Variants in CSMD1 observed in about 807,000 individuals in gnomAD.
CSMD1 encodes CUB and sushi domain-containing protein 1.
Under a neutral mutation model 417.5 loss-of-function variants are expected in CSMD1, and 213 were observed. That is an observed-to-expected ratio of 0.51 (90% CI 0.46 to 0.57). The LOEUF is 0.57. CSMD1 is among the 20% of genes least tolerant of loss of function. The pLI is 0.00. For missense variants in CSMD1, 6,923 were observed against 4,529.7 expected (o/e 1.53, Z -15.17); for synonymous variants, 2,862 against 1,736.8 (o/e 1.65, Z -16.11).
intron 3 of CSMD1, among the ~76,000 whole-genome samples, chr8:4,344,127 A>G (rs970253861): frequency 1.3e-5 from 2 of 152,086 alleles, no homozygotes; most frequent in Admixed American, 6.6e-5. Context: ...TCAAAAACAC[A>G]CTGATCATTA....
At chr8:2,987,668 C>T (rs953147378) in intron 54 of CSMD1, among the ~76,000 whole-genome samples, 1 of 152,112 alleles carries the variant, frequency 6.6e-6, no homozygotes, top group Non-Finnish European at 1.5e-5. Flanking sequence ...GGATGAATGC[C>T]CCCATAAGAG....
At chr8:4,928,392 A>G (rs1807017649) in intron 1 of CSMD1, among the ~76,000 whole-genome samples, 1 of 152,158 alleles carries the variant, frequency 6.6e-6, no homozygotes, top group Admixed American at 6.5e-5. Context: ...ACTATGCAAG[A>G]GCTGGGGCTT....
chr8:4,176,952 G>A (rs899786990), intron 3 of CSMD1, among the ~76,000 whole-genome samples: 2 of 151,006 alleles, frequency 1.3e-5, no homozygotes. Context: ...GACCTACAAA[G>A]AGACTTAGAC....
At chr8:4,399,221 G>C (rs1038707127) in intron 3 of CSMD1, among the ~76,000 whole-genome samples, 1 of 152,126 alleles carries the variant, frequency 6.6e-6, no homozygotes, top group Admixed American at 6.5e-5. Flanking sequence ...TTAAATATAT[G>C]ACAAACCGTA....
At chr8:3,812,593 G>T (rs371061220) in intron 5 of CSMD1, among the ~76,000 whole-genome samples, 1 of 152,198 alleles carries the variant, frequency 6.6e-6, no homozygotes, top group East Asian at 1.9e-4. Context: ...AAATACTTAC[G>T]CTATAAAGGG....
intron 3 of CSMD1, among the ~76,000 whole-genome samples, chr8:4,270,750 C>G (rs1373328684): frequency 6.6e-6 from 1 of 152,168 alleles, no homozygotes; most frequent in Non-Finnish European, 1.5e-5. Context: ...GAGGACAGTG[C>G]TACTCATCAC....
intron 26 of CSMD1, among the ~76,000 whole-genome samples, chr8:3,243,874 T>G (rs1799708810): frequency 6.6e-6 from 1 of 152,088 alleles, no homozygotes; most frequent in African/African-American, 2.4e-5. Context: ...AAAACAAAGT[T>G]GGGGCCACAG....
intron 3 of CSMD1, among the ~76,000 whole-genome samples, chr8:4,302,327 A>T (rs1295883212): frequency 2.7e-5 from 4 of 150,622 alleles, no homozygotes; most frequent in Admixed American, 1.3e-4. Context: ...TAACTGTAAA[A>T]ATAATAACAA....
rs2128949811 is a variant in CSMD1 at position 2,993,483 on chromosome 8, C to A, written c.8377+4528G>T. Among the ~76,000 whole-genome samples, 3 of 152,282 alleles carry A rather than the reference C, an allele frequency of 2.0e-5. No individual in the cohort carries two copies. The East Asian group carries it at 5.8e-4, about 29-fold the overall frequency. ...GCACTGAGGCAGAGGCAAAGCACAGCCCAACTCTCAGCGTCTCCCAGATGC... is the reference window on the plus strand; with the variant it reads ...GCACTGAGGCAGAGGCAAAGCACAGACCAACTCTCAGCGTCTCCCAGATGC... On this transcript the variant is annotated intron_variant, in intron 54 of 69. Coordinates refer to ENST00000635120, the MANE Select transcript of CSMD1 (RefSeq NM_033225.6).
chr8:3,571,865 C>A (rs1314128540), intron 10 of CSMD1, among the ~76,000 whole-genome samples: 5 of 152,140 alleles, frequency 3.3e-5, no homozygotes, highest in South Asian at 2.1e-4. Context: ...TCTCACGTCT[C>A]CTTCTGGAAA....
chr8:3,387,730 T>C, intron 17 of CSMD1, 48 bp from the exon 18 acceptor site: 1 of 1,486,500 alleles, frequency 6.7e-7, no homozygotes, highest in Non-Finnish European at 9.1e-7. Context: ...TCTGGTTGAT[T>C]GAAAATAATA....
intron 5 of CSMD1, among the ~76,000 whole-genome samples, chr8:3,926,686 C>T (rs897202331): frequency 6.8e-6 from 1 of 146,756 alleles, no homozygotes; most frequent in East Asian, 2.0e-4. Flanking sequence ...CATTTGAAAA[C>T]GCAATTAAAT....
intron 5 of CSMD1, among the ~76,000 whole-genome samples, chr8:3,925,009 G>C (rs1236893237): frequency 2.6e-5 from 4 of 152,112 alleles, no homozygotes; most frequent in African/African-American, 4.8e-5. Context: ...ACTGGTAAGA[G>C]AAAGACTTTA....
At chr8:4,008,776 A>G (rs553082566) in intron 4 of CSMD1, among the ~76,000 whole-genome samples, 6 of 151,604 alleles carry the variant, frequency 4.0e-5, no homozygotes, top group African/African-American at 1.5e-4. Context: ...ACGCCTGGCT[A>G]ATTTTTTGTG....
At chr8:4,729,009 G>A (rs983249132) in intron 1 of CSMD1, among the ~76,000 whole-genome samples, 2 of 152,156 alleles carry the variant, frequency 1.3e-5, no homozygotes, top group East Asian at 1.9e-4. Flanking sequence ...TATAAATCTA[G>A]AAGGCGTTAG....
At chr8:4,393,390 G>A (rs1010462895) in intron 3 of CSMD1, among the ~76,000 whole-genome samples, 1 of 152,206 alleles carries the variant, frequency 6.6e-6, no homozygotes, top group Admixed American at 6.5e-5. Context: ...GAGAAATTCA[G>A]TTATGGTTGT....
intron 5 of CSMD1, among the ~76,000 whole-genome samples, chr8:3,867,184 TC>T (rs1352810526): frequency 1.3e-5 from 2 of 152,154 alleles, no homozygotes; most frequent in East Asian, 3.9e-4. Context: ...TTTGGTCTTG[TC>T]AATTGTATAT....
chr8:4,309,702 G>C (rs1041347695), intron 3 of CSMD1, among the ~76,000 whole-genome samples: 2 of 151,992 alleles, frequency 1.3e-5, no homozygotes, highest in African/African-American at 4.8e-5. Context: ...TTTTACTCTA[G>C]GGATTGTAAC....
At chr8:3,796,520 T>G (rs571730508) in intron 5 of CSMD1, among the ~76,000 whole-genome samples, 3 of 144,146 alleles carry the variant, frequency 2.1e-5, no homozygotes, top group Non-Finnish European at 4.5e-5. Flanking sequence ...TATCTATATA[T>G]CTATATCTAA....
Sources: gnomAD v4.1 joint callset for allele counts (sites outside exome capture counted in the v4.1 genomes callset) on GRCh38, gnomAD v4.1.1 for gene constraint, MANE v1.5 for transcripts, NCBI Gene and HGNC (gene_info 2026-07-23, HGNC 2026-07-21) for gene names.